The following POLR1A variants were observed in gnomAD, a reference collection of about 807,000 sequenced individuals.
POLR1A encodes the protein DNA-directed RNA polymerase I subunit RPA1.
POLR1A carries 84 observed loss-of-function variants against 205.3 expected under a neutral mutation model. The observed-to-expected ratio is 0.41, with a 90% CI of 0.34 to 0.49. The LOEUF is 0.49. POLR1A is among the 20% of genes least tolerant of loss of function. The pLI, the probability that POLR1A is intolerant of heterozygous loss-of-function variation, is 0.22. For missense variants in POLR1A, 1,645 were observed against 2,204.5 expected (o/e 0.75, Z 5.08); for synonymous variants, 799 against 863.7 (o/e 0.93, Z 1.31).
chr2:86,039,598 A>G, intron 25 of POLR1A, 136 bp from the exon 26 acceptor site: 4 of 1,047,930 alleles, frequency 3.8e-6, no homozygotes, highest in Non-Finnish European at 5.6e-6. Flanking sequence ...AATATGCTAG[A>G]TCAGAGAATC....
At chr2:86,039,487 A>C (rs749755826) in intron 25 of POLR1A, 25 bp from the exon 26 acceptor site, 63 of 1,613,748 alleles carry the variant, frequency 3.9e-5, no homozygotes, top group Non-Finnish European at 5.3e-5. Context: ...GGGCACATCC[A>C]ATCATGAGTG....
At chr2:86,076,402 C>G (rs776927214) in intron 11 of POLR1A, among the ~76,000 whole-genome samples, 1 of 152,240 alleles carries the variant, frequency 6.6e-6, no homozygotes, top group Non-Finnish European at 1.5e-5. Context: ...ACTTGTCTAT[C>G]TATTTACTGT....
Position 86,086,572 on chromosome 2 carries a change from C to G in POLR1A, c.730+1994G>C, listed in dbSNP as rs545559973. Reference sequence around the variant, plus strand: ...CATTGTGCTCATCACAAACATGGTCCTTGGCATAATGCTGAGCACCCAACA... The same window carrying G: ...CATTGTGCTCATCACAAACATGGTCGTTGGCATAATGCTGAGCACCCAACA... On this transcript the variant is annotated intron_variant, in intron 6 of 33. Coordinates refer to ENST00000263857, the MANE Select transcript of POLR1A (RefSeq NM_015425.6). Among the ~76,000 whole-genome samples, 254 of 152,324 alleles carry G rather than the reference C, an allele frequency of 1.7e-3. 1 individual carries two copies. The highest frequency in any genetic ancestry group is 6.0e-3 in the African/African-American group (250 of 41,570).
chr2:86,078,038 T>C, intron 10 of POLR1A, 57 bp from the exon 11 acceptor site: 1 of 1,612,806 alleles, frequency 6.2e-7, no homozygotes, highest in Non-Finnish European at 8.5e-7. Flanking sequence ...GTAGGCTTAT[T>C]AGTTTCTTGT....
At chr2:86,053,839 C>T (rs1672849914) in intron 15 of POLR1A, among the ~76,000 whole-genome samples, 2 of 152,200 alleles carry the variant, frequency 1.3e-5, no homozygotes, top group Non-Finnish European at 2.9e-5. Context: ...TCTGAAGCCA[C>T]TCAGCAGTCT....
At chr2:86,049,066 C>T (rs1159970953) in intron 17 of POLR1A, 24 bp from the exon 18 acceptor site, 10 of 1,613,880 alleles carry the variant, frequency 6.2e-6, no homozygotes, top group South Asian at 1.1e-5. Context: ...AGAAACACAG[C>T]GGAGGCTGAG....
At position 86,038,867 on chromosome 2, in the gene POLR1A, G is replaced by C. The variant is rs1308051520; in HGVS notation, c.3877-10C>G. 1 of 1,613,770 alleles carries C rather than the reference G, an allele frequency of 6.2e-7. No homozygotes were observed. The highest frequency in any genetic ancestry group is 1.1e-5 in the South Asian group (1 of 91,026). The stretch of plus-strand genomic sequence containing the variant: ...CAATTTTCTGCAACACCTGGAACCA[G>C]ACGGACAGAGAGAACTTGACTTGTT... On this transcript the variant is annotated splice_polypyrimidine_tract_variant and intron_variant, in intron 26 of 33. Coordinates refer to ENST00000263857, the MANE Select transcript of POLR1A (RefSeq NM_015425.6).
Position 86,070,253 on chromosome 2 carries a change from T to C in POLR1A, c.1631A>G (p.Asn544Ser), listed in dbSNP as rs1460589241. The C allele has an allele frequency of 3.1e-6, 5 of 1,611,394 alleles. No individual in the cohort carries two copies. The highest frequency in any genetic ancestry group is 4.2e-6 in the Non-Finnish European group (5 of 1,177,854). The change falls in exon 13 of 34, where the codon AAT becomes AGT. Residue 544 changes from asparagine (N) to serine (S), a missense_variant. Around this residue, in one of 16 missense-constraint regions of POLR1A, gnomAD observed 131 missense variants for 214.5 expected, o/e 0.61. Transcript: ENST00000263857. The surrounding 1 kb of genome is among the most constrained non-coding windows in gnomAD (Gnocchi z 4.4). ...TCGGTTCAGTAGCAGAATGTCCCCA[T>C]TCTTCACATGCCGGCACACCTGGGA... is the stretch of plus-strand genomic sequence containing the variant. ...GTKIVCRHVK[N>S]GDILLLNRQP...
Position 86,027,436 on chromosome 2 carries a change from T to C in POLR1A, c.5150A>G (p.Gln1717Arg). Residue 1717 changes from glutamine (Q) to arginine (R), a missense_variant, in exon 34 of 34, where the codon CAG becomes CGG. This residue lies in a region of POLR1A where 86 missense variants were observed against 149.8 expected (regional missense o/e 0.57). Transcript: ENST00000263857. ...CCGGGGTAGCTGCTATCTCAGAGGC[T>C]GCTTGAGCTCGAACAGGCCTGTCCC... Reference protein sequence around the residue: ...RGGTGLFELKQPLR With the variant: ...RGGTGLFELKRPLR 6.2e-7 allele frequency: 1 copy of C among 1,614,084 alleles called. No individual in the cohort carries two copies. The highest frequency in any genetic ancestry group is 8.5e-7 in the Non-Finnish European group (1 of 1,179,936).
intron 6 of POLR1A, among the ~76,000 whole-genome samples, chr2:86,085,942 CA>C (rs1558783036): frequency 1.3e-5 from 2 of 152,172 alleles, no homozygotes; most frequent in East Asian, 1.9e-4. Context: ...TTGTGGGGCT[CA>C]GGGGGGCACA....
chr2:86,078,027 A>G (rs1343583351), intron 10 of POLR1A, 46 bp from the exon 11 acceptor site: 1 of 1,613,520 alleles, frequency 6.2e-7, no homozygotes, highest in South Asian at 1.1e-5. Flanking sequence ...CAAGAATTCC[A>G]GTAGGCTTAT....
At position 86,070,555 on chromosome 2, in the gene POLR1A, T is replaced by C. The variant is rs570782477; in HGVS notation, c.1612-283A>G. ...GGTCTTTGTCTTCTTCAGAGATGCA[T>C]AGCCGTCCCAGGTTTCTGGATTACT... is the stretch of plus-strand genomic sequence containing the variant. On this transcript the variant is annotated intron_variant, in intron 12 of 33. Coordinates refer to ENST00000263857, the MANE Select transcript of POLR1A (RefSeq NM_015425.6). This position sits in a 1 kb window ranked among gnomAD's most constrained non-coding sequence, Gnocchi z 4.4. Among the ~76,000 whole-genome samples the C allele has an allele frequency of 3.9e-5, 6 of 152,142 alleles. No homozygotes were observed. Among genetic ancestry groups the C allele is most frequent in the African/African-American group, 9.7e-5 (4 of 41,420 alleles).
In POLR1A at chr2:86,025,487, C is replaced by A. The variant is rs1283147948; in HGVS notation, c.*1936G>T. The A allele has an allele frequency of 6.6e-6, 1 of 152,266 alleles. No individual in the cohort carries two copies. Among genetic ancestry groups the A allele is most frequent in the East Asian group, 1.9e-4 (1 of 5,198 alleles). The allele number at this position is 152,266 out of a possible 1,614,324, so 9.4% of individuals were successfully genotyped here. ...AATGTCTGTTTAAAAACCAGACATG[C>A]TGTCTTAATACTCATCCATCAGGAA... On this transcript the variant is annotated 3_prime_UTR_variant, in exon 34 of 34. Transcript: ENST00000263857.
In POLR1A at chr2:86,089,817, C is replaced by G; in HGVS notation, c.540+5G>C. On this transcript the variant is annotated splice_donor_5th_base_variant and intron_variant, in intron 4 of 33. Coordinates refer to ENST00000263857, the MANE Select transcript of POLR1A (RefSeq NM_015425.6). ...CAGCATGGGAGAAAGACAGTGTTAA[C>G]TCACATGTGCGCCCTGGGACCCCAG... 6.5e-7 allele frequency: 1 copy of G among 1,541,428 alleles called. No homozygotes were observed. Among genetic ancestry groups the G allele is most frequent in the Non-Finnish European group, 9.0e-7 (1 of 1,113,460 alleles).
chr2:86,063,079 T>C (rs1225623917), intron 14 of POLR1A, among the ~76,000 whole-genome samples: 1 of 152,144 alleles, frequency 6.6e-6, no homozygotes, highest in African/African-American at 2.4e-5. Flanking sequence ...CTCAGGCCTG[T>C]AGTCCCAGCA....
chr2:86,074,132 T>C (rs1673236963), intron 12 of POLR1A, among the ~76,000 whole-genome samples: 3 of 152,186 alleles, frequency 2.0e-5, no homozygotes, highest in Admixed American at 1.3e-4. Flanking sequence ...AGGCCTGTGA[T>C]GAGCAGTGAT....
Position 86,031,200 on chromosome 2 carries a change from G to A in POLR1A, c.4578+130C>T. 4 of 1,359,218 alleles carry A rather than the reference G, an allele frequency of 2.9e-6. No individual in the cohort carries two copies. The South Asian group carries it at 5.6e-5, about 19-fold the overall frequency. The allele number at this position is 1,359,218 out of a possible 1,614,324, so 84.2% of individuals were successfully genotyped here. On this transcript the variant is annotated intron_variant, in intron 30 of 33. Coordinates refer to ENST00000263857, the MANE Select transcript of POLR1A (RefSeq NM_015425.6). ...AACAGGAGGCCTGGCTGTGCTCTGA[G>A]TGGGAGACCATGGGGAATGTTGGCT... is the stretch of plus-strand genomic sequence containing the variant.
intron 14 of POLR1A, among the ~76,000 whole-genome samples, chr2:86,064,756 C>CTTT (rs564064619): frequency 1.4e-5 from 2 of 146,020 alleles, no homozygotes; most frequent in Non-Finnish European, 3.0e-5. Flanking sequence ...ATGCAGTCTA[C>CTTT]TTTTTTTTTT....
chr2:86,068,590 A>G (rs1017452682), intron 13 of POLR1A, among the ~76,000 whole-genome samples: 5 of 152,314 alleles, frequency 3.3e-5, no homozygotes, highest in African/African-American at 1.2e-4. Flanking sequence ...ACCACCACAG[A>G]GCCACATTAT....
Sources: allele counts gnomAD v4.1 joint callset (sites outside exome capture counted in the v4.1 genomes callset), GRCh38; gene constraint gnomAD v4.1.1; regional missense constraint gnomAD v4.1.1; non-coding constraint Gnocchi (gnomAD v3.1); transcripts MANE v1.5; gene names NCBI Gene and HGNC (gene_info 2026-07-23, HGNC 2026-07-21).